The following MKNK1 variants were observed in gnomAD, a reference collection of about 807,000 sequenced individuals.
The protein encoded by MKNK1 is MAPK interacting serine/threonine kinase 1.
A neutral mutation model predicts 49.3 loss-of-function variants in MKNK1; 30 were observed. The observed-to-expected ratio is 0.61, with a 90% CI of 0.46 to 0.83. The LOEUF (loss-of-function observed/expected upper bound fraction) is 0.83, where lower values mean the gene tolerates loss of function less well. MKNK1 is among the 40% of genes least tolerant of loss of function. The pLI is 0.00. For missense variants in MKNK1, 423 were observed against 524.7 expected, an observed-to-expected ratio of 0.81 and a Z score of 1.89; for synonymous variants, 176 against 201.7, an observed-to-expected ratio of 0.87 and a Z score of 1.08.
chr1:46,577,889 C>T (rs1010470744), intron 4 of MKNK1, among the ~76,000 whole-genome samples: 14 of 152,258 alleles, frequency 9.2e-5, no homozygotes, highest in Non-Finnish European at 5.9e-5. Flanking sequence ...ACAGCTCCAA[C>T]GTGCACAGTG....
At chr1:46,560,728 T>G (rs2148540197) in intron 11 of MKNK1, among the ~76,000 whole-genome samples, 1 of 152,358 alleles carries the variant, frequency 6.6e-6, no homozygotes, top group African/African-American at 2.4e-5. Flanking sequence ...AGACAGGGAC[T>G]GGGTCTCACT....
At chr1:46,602,086 G>A (rs551105776) in intron 1 of MKNK1, among the ~76,000 whole-genome samples, 1 of 152,202 alleles carries the variant, frequency 6.6e-6, no homozygotes, top group East Asian at 1.9e-4. Context: ...ATAAGCAAAG[G>A]CTCGAGCAGG....
intron 8 of MKNK1, chr1:46,565,355 T>C (rs1668879170): frequency 1.8e-6 from 1 of 563,662 alleles, no homozygotes; most frequent in Non-Finnish European, 3.2e-6. Flanking sequence ...AAGGGAAAAA[T>C]GGGTGGACTA....
rs764595768 is a variant in MKNK1, at chr1:46,562,777, C to T, written c.676G>A (p.Asp226Asn). 21 of 1,611,890 alleles carry T rather than the reference C, an allele frequency of 1.3e-5. No homozygotes were observed. The highest frequency in any genetic ancestry group is 3.3e-5 in the Admixed American group (2 of 59,728). Residue 226 changes from aspartate (D) to asparagine (N), a missense_variant, in exon 10 of 13, where the codon GAC becomes AAC. Asp to Asn is a conservative substitution (Grantham distance 23). Transcript: ENST00000371945. ...AGGCTCCACAGGTCACAGCGCTTGTCGTAGAATGTGGCCTGGTCCGTGAAG... is the reference window on the plus strand; with the variant it reads ...AGGCTCCACAGGTCACAGCGCTTGTTGTAGAATGTGGCCTGGTCCGTGAAG... ...EVFTDQATFYDKRCDLWSLGV... is the reference protein window; with the variant it reads ...EVFTDQATFYNKRCDLWSLGV...
chr1:46,574,897 C>A (rs1240668701), intron 6 of MKNK1, 50 bp downstream of exon 6: 1 of 1,254,294 alleles, frequency 8.0e-7, no homozygotes, highest in Non-Finnish European at 1.1e-6. Context: ...TGGATGATCA[C>A]CACCCTGGGT....
chr1:46,598,165 A>G (rs1674312206), intron 1 of MKNK1, among the ~76,000 whole-genome samples: 1 of 152,256 alleles, frequency 6.6e-6, no homozygotes. Context: ...CAGAAAGAAG[A>G]ACCAAATTAG....
chr1:46,565,820 C>A (rs569724822), intron 8 of MKNK1, among the ~76,000 whole-genome samples: 16 of 152,338 alleles, frequency 1.1e-4, no homozygotes, highest in African/African-American at 3.8e-4. Context: ...ATGTAAGCAG[C>A]ACAGCGAGTG....
At chr1:46,574,698 T>A in intron 6 of MKNK1, 1 of 446,396 alleles carries the variant, frequency 2.2e-6, no homozygotes, top group East Asian at 3.6e-5. Context: ...ACTAAATGTA[T>A]CTATATATGA....
At chr1:46,587,661 T>C (rs1192046643) in intron 2 of MKNK1, among the ~76,000 whole-genome samples, 1 of 151,752 alleles carries the variant, frequency 6.6e-6, no homozygotes, top group East Asian at 1.9e-4. Context: ...CTACTAAAAG[T>C]ACAAAATTAG....
intron 5 of MKNK1, 89 bp from the exon 6 acceptor site, chr1:46,575,109 A>C: frequency 1.2e-6 from 1 of 834,090 alleles, no homozygotes. Flanking sequence ...TGAAAAAAAT[A>C]TACAACACCT....
At chr1:46,568,736 C>T in intron 7 of MKNK1, 1 of 531,816 alleles carries the variant, frequency 1.9e-6, no homozygotes, top group Non-Finnish European at 3.4e-6. Flanking sequence ...ATAAGAAGGG[C>T]TAAATGAATC....
intron 3 of MKNK1, 31 bp from the exon 4 acceptor site, chr1:46,580,658 A>G (rs768921708): frequency 2.0e-6 from 3 of 1,492,412 alleles, no homozygotes; most frequent in Admixed American, 1.7e-5. Context: ...AGGAATAACA[A>G]GATGAGTCAC....
intron 7 of MKNK1, chr1:46,571,544 A>ATT (rs1335004022): frequency 4.5e-6 from 2 of 441,678 alleles, no homozygotes; most frequent in East Asian, 1.5e-4. Flanking sequence ...CTTTGTCTAA[A>ATT]AAGGAAAAAA....
chr1:46,601,560 C>A (rs188451622), intron 1 of MKNK1, among the ~76,000 whole-genome samples: 1 of 152,326 alleles, frequency 6.6e-6, no homozygotes, highest in African/African-American at 2.4e-5. Context: ...ACGGTCAAGG[C>A]AAGACAAGAG....
rs565014163 is a variant in MKNK1, at chr1:46,586,998, C to T, written c.-2-3669G>A. Among the ~76,000 whole-genome samples the T allele has an allele frequency of 9.9e-5, 15 of 152,270 alleles. No individual in the cohort carries two copies. In the South Asian group the frequency reaches 1.2e-3, roughly 13 times the overall value. On this transcript the variant is annotated intron_variant, in intron 2 of 12. Transcript: ENST00000371945. ...AATTTTTTGTACTTTTTAGTAGAGA[C>T]GGGGTTTCGCCATGTTGGCCAGGCT...
intron 2 of MKNK1, among the ~76,000 whole-genome samples, chr1:46,588,807 CAAA>C (rs35556956): frequency 5.6e-5 from 4 of 71,258 alleles, no homozygotes; most frequent in Non-Finnish European, 1.2e-4. Context: ...GACTCCGTCT[CAAA>C]AAAAAAAAAA....
intron 9 of MKNK1, among the ~76,000 whole-genome samples, chr1:46,563,816 C>T (rs1197514611): frequency 1.3e-5 from 2 of 151,970 alleles, no homozygotes; most frequent in South Asian, 4.1e-4. Flanking sequence ...GAGGCCGAGG[C>T]GGGTGGTTCA....
At chr1:46,592,460 C>T (rs1387133661) in intron 2 of MKNK1, among the ~76,000 whole-genome samples, 5 of 152,204 alleles carry the variant, frequency 3.3e-5, no homozygotes, top group Non-Finnish European at 7.3e-5. Context: ...GTGTATGCTG[C>T]GAACCACTGG....
chr1:46,601,818 A>T (rs977799490), intron 1 of MKNK1, among the ~76,000 whole-genome samples: 2 of 152,352 alleles, frequency 1.3e-5, no homozygotes, highest in African/African-American at 4.8e-5. Flanking sequence ...TGCTGGCCCT[A>T]TGCTGGACAG....
Sources: allele counts gnomAD v4.1 joint callset (sites outside exome capture counted in the v4.1 genomes callset), GRCh38; gene constraint gnomAD v4.1.1; transcripts MANE v1.5; gene names NCBI Gene and HGNC (gene_info 2026-07-23, HGNC 2026-07-21).